The following LRCH3 variants were observed in gnomAD, a reference collection of about 807,000 sequenced individuals.
The protein encoded by LRCH3 is DISP complex protein LRCH3.
A neutral mutation model predicts 104.5 loss-of-function variants in LRCH3; 68 were observed. That is an observed-to-expected ratio of 0.65 (90% confidence interval 0.54 to 0.80). The LOEUF is 0.80. LRCH3 is among the 30% of genes least tolerant of loss of function. LRCH3 has a pLI of 0.00. For missense variants in LRCH3, 951 were observed against 953.9 expected (o/e 1.00, Z 0.04); for synonymous variants, 344 against 361.3 (o/e 0.95, Z 0.54).
At chr3:197,879,403 T>C (rs973112338) in intron 20 of LRCH3, among the ~76,000 whole-genome samples, 11 of 152,018 alleles carry the variant, frequency 7.2e-5, no homozygotes, top group Non-Finnish European at 1.6e-4. Context: ...TCCCAGCACT[T>C]TGGGAGGCCG....
intron 1 of LRCH3, among the ~76,000 whole-genome samples, chr3:197,802,331 T>C (rs1731990959): frequency 6.6e-6 from 1 of 152,178 alleles, no homozygotes; most frequent in East Asian, 1.9e-4. Context: ...GACTGATTAA[T>C]TTATGAGTAG....
In LRCH3 at chr3:197,875,665, C is replaced by A. The variant is rs986154818; in HGVS notation, c.2131-33C>A. ...AGACCCTGTCCCAGAAACAAAACTT[C>A]TCTAGTAACACATTTTCTTTTCCTC... On this transcript the variant is annotated intron_variant, in intron 19 of 20. Coordinates refer to ENST00000425562, the MANE Select transcript of LRCH3 (RefSeq NM_001365715.1). 10 of 1,500,444 alleles carry A rather than the reference C, an allele frequency of 6.7e-6. No individual in the cohort carries two copies. In the Admixed American group the frequency reaches 9.9e-5, roughly 15 times the overall value. The allele number at this position is 1,500,444 out of a possible 1,614,324, so 92.9% of individuals were successfully genotyped here.
intron 19 of LRCH3, among the ~76,000 whole-genome samples, chr3:197,873,069 T>A (rs925284701): frequency 7.9e-5 from 12 of 152,174 alleles, no homozygotes; most frequent in Non-Finnish European, 4.4e-5. Context: ...AGGTTCTCTT[T>A]GCACTGCTGG....
chr3:197,830,800 T>C lies in LRCH3; in HGVS notation c.918T>C (p.Tyr306=), dbSNP rs1317005141. The change falls in exon 7 of 21, where the codon TAT becomes TAC. Residue 306 remains tyrosine (Y), a synonymous_variant. Transcript: ENST00000425562. The part of the protein sequence containing the change: ...CHEELYSSRP[Y]GALDSGFNSV... ...AAGAACTGTACTCAAGTCGCCCTTA[T>C]GGAGCCCTTGATTCAGGCTTCAATA... 2 of 1,614,110 alleles carry C rather than the reference T, an allele frequency of 1.2e-6. No homozygotes were observed. Among genetic ancestry groups the C allele is most frequent in the East Asian group, 2.2e-5 (1 of 44,878 alleles).
At chr3:197,871,560 A>G in intron 19 of LRCH3, 98 bp downstream of exon 19, 1 of 1,520,288 alleles carries the variant, frequency 6.6e-7, no homozygotes, top group African/African-American at 1.4e-5. Flanking sequence ...TATTAAGGAT[A>G]CAGATATAAA....
Position 197,856,498 on chromosome 3 carries a change from A to G in LRCH3, c.1644+2053A>G, listed in dbSNP as rs1055015063. ...CAGTGGCATGAACATGGTTCCTTGA[A>G]GCATCAGCCTCTTGAGTAGCTGGGA... is the stretch of plus-strand genomic sequence containing the variant. On this transcript the variant is annotated intron_variant, in intron 14 of 20. Coordinates refer to ENST00000425562, the MANE Select transcript of LRCH3 (RefSeq NM_001365715.1). The surrounding 1 kb of genome is among the most constrained non-coding windows in gnomAD (Gnocchi z 4.2). 6.6e-5 allele frequency among the ~76,000 whole-genome samples: 10 copies of G among 151,778 alleles called. No homozygotes were observed. Among genetic ancestry groups the G allele is most frequent in the African/African-American group, 2.4e-4 (10 of 41,290 alleles).
intron 20 of LRCH3, chr3:197,882,400 A>C: frequency 1.0e-6 from 1 of 977,618 alleles, no homozygotes; most frequent in Non-Finnish European, 1.2e-6. Context: ...TTTTATCAAA[A>C]TAAGTATTAA....
chr3:197,879,369 G>A (rs35890100), intron 20 of LRCH3, among the ~76,000 whole-genome samples: 17,601 of 152,154 alleles, frequency 0.12, 1,241 homozygotes, highest in Middle Eastern at 0.16. Context: ...CCCCCTGGCC[G>A]GGCGCGGTGG....
chr3:197,879,564 G>C (rs140324759), intron 20 of LRCH3, among the ~76,000 whole-genome samples: 2 of 148,378 alleles, frequency 1.3e-5, no homozygotes, highest in Non-Finnish European at 2.9e-5. Context: ...GAGAATGGCG[G>C]GAACCCGGGA....
At chr3:197,834,941 G>T (rs142921380) in intron 8 of LRCH3, among the ~76,000 whole-genome samples, 32 of 152,102 alleles carry the variant, frequency 2.1e-4, no homozygotes, top group South Asian at 6.2e-4. Flanking sequence ...CCCAGGAGTT[G>T]GAGACCAGCC....
At chr3:197,865,107 A>G (rs1580860490) in intron 15 of LRCH3, among the ~76,000 whole-genome samples, 1 of 151,878 alleles carries the variant, frequency 6.6e-6, no homozygotes, top group Non-Finnish European at 1.5e-5. Context: ...GGCTCAAGCA[A>G]CCCTCCCTCC....
intron 12 of LRCH3, chr3:197,850,344 AT>A: frequency 1.2e-6 from 1 of 831,044 alleles, no homozygotes; most frequent in Non-Finnish European, 1.8e-6. Flanking sequence ...TTTAGGTACC[AT>A]TTTTTCTTTT....
intron 8 of LRCH3, among the ~76,000 whole-genome samples, chr3:197,835,005 G>A (rs577443083): frequency 7.7e-4 from 117 of 152,088 alleles, no homozygotes; most frequent in Admixed American, 1.3e-3. Flanking sequence ...TTAGCCGGGC[G>A]TGGTGGTGCA....
intron 20 of LRCH3, chr3:197,881,405 T>G: frequency 3.0e-6 from 3 of 985,812 alleles, no homozygotes; most frequent in Non-Finnish European, 3.6e-6. Context: ...ACGCTGTATG[T>G]GCTGCACACG....
chr3:197,850,470 T>C (rs1739429694), intron 12 of LRCH3: 1 of 1,589,304 alleles, frequency 6.3e-7, no homozygotes, highest in East Asian at 2.2e-5. Flanking sequence ...GGCAACCTCC[T>C]CTTCTGGTTT....
At chr3:197,835,467 G>A (rs555457833) in intron 8 of LRCH3, among the ~76,000 whole-genome samples, 66 of 144,192 alleles carry the variant, frequency 4.6e-4, no homozygotes, top group Middle Eastern at 3.6e-3. Flanking sequence ...GATTACAGGC[G>A]TGAGCCACCA....
intron 12 of LRCH3, among the ~76,000 whole-genome samples, chr3:197,849,578 G>T (rs576048755): frequency 9.1e-4 from 138 of 151,992 alleles, no homozygotes; most frequent in Admixed American, 1.3e-3. Context: ...TGCTTGATTT[G>T]TTACTACATA....
At chr3:197,848,062 T>A in intron 12 of LRCH3, 41 bp downstream of exon 12, 1 of 1,608,388 alleles carries the variant, frequency 6.2e-7, no homozygotes, top group Non-Finnish European at 8.5e-7. Flanking sequence ...GCTGACTGGC[T>A]AAGTGCTTAT....
At position 197,810,417 on chromosome 3, in the gene LRCH3, T is replaced by G. The variant is rs1448917069; in HGVS notation, c.263-4491T>G. Among the ~76,000 whole-genome samples the G allele has an allele frequency of 6.6e-6, 1 of 152,160 alleles. No individual in the cohort carries two copies. The highest frequency in any genetic ancestry group is 2.4e-5 in the African/African-American group (1 of 41,448). On this transcript the variant is annotated intron_variant, in intron 1 of 20. Coordinates refer to ENST00000425562, the MANE Select transcript of LRCH3 (RefSeq NM_001365715.1). The surrounding 1 kb of genome is among the most constrained non-coding windows in gnomAD (Gnocchi z 4.0). The stretch of plus-strand genomic sequence containing the variant: ...ATTCACCAGCCTCTGCCTCTGGAAG[T>G]GCTGGGATTACAGGCATGAGCTACC...
Sources: gnomAD v4.1 joint callset for allele counts (sites outside exome capture counted in the v4.1 genomes callset) on GRCh38, gnomAD v4.1.1 for gene constraint, Gnocchi (gnomAD v3.1) non-coding constraint, MANE v1.5 for transcripts, NCBI Gene and HGNC (gene_info 2026-07-23, HGNC 2026-07-21) for gene names.